The following ZSWIM6 variants were observed in gnomAD, a reference collection of about 807,000 sequenced individuals.
ZSWIM6 encodes zinc finger SWIM domain-containing protein 6.
Under a neutral mutation model 113.2 loss-of-function variants are expected in ZSWIM6, and 9 were observed. The observed-to-expected ratio is 0.08, with a 90% CI of 0.05 to 0.14. The LOEUF is 0.14. ZSWIM6 is among the 10% of genes least tolerant of loss of function. The pLI, the probability that ZSWIM6 is intolerant of heterozygous loss-of-function variation, is 1.00. For synonymous variants in ZSWIM6, 611 were observed against 606.5 expected, an observed-to-expected ratio of 1.01 and a Z score of -0.11; for missense variants, 1,162 against 1,552.2, an observed-to-expected ratio of 0.75 and a Z score of 4.22.
intron 1 of ZSWIM6, among the ~76,000 whole-genome samples, chr5:61,451,771 A>G (rs958304801): frequency 1.3e-5 from 2 of 152,172 alleles, no homozygotes; most frequent in Non-Finnish European, 2.9e-5. Context: ...TATTTTCTAG[A>G]TTCATTCAAG....
At chr5:61,491,014 A>G (rs1748162265) in intron 3 of ZSWIM6, 80 bp downstream of exon 3, 1 of 1,326,834 alleles carries the variant, frequency 7.5e-7, no homozygotes, top group Non-Finnish European at 9.9e-7. Flanking sequence ...TGTCTACAAT[A>G]GGATAAAGAC....
At position 61,533,050 on chromosome 5, in the gene ZSWIM6, A is replaced by G. The variant is rs75618083; in HGVS notation, c.2245+1325A>G. The stretch of plus-strand genomic sequence containing the variant: ...TATTTACCTTCCTAAATATGTCTCC[A>G]TGTCCATTTTTCATGAATATTTTTG... On this transcript the variant is annotated intron_variant, in intron 9 of 13. Transcript: ENST00000252744. Among the ~76,000 whole-genome samples, 14 of 152,330 alleles carry G rather than the reference A, an allele frequency of 9.2e-5. No homozygotes were observed. In the East Asian group the frequency reaches 2.5e-3, roughly 27 times the overall value.
At chr5:61,486,115 C>T (rs1748013510) in intron 2 of ZSWIM6, among the ~76,000 whole-genome samples, 1 of 152,286 alleles carries the variant, frequency 6.6e-6, no homozygotes, top group Admixed American at 6.5e-5. Context: ...GTCACCCACC[C>T]TCCAACTCTT....
intron 1 of ZSWIM6, among the ~76,000 whole-genome samples, chr5:61,374,814 CA>C (rs1745336772): frequency 6.6e-6 from 1 of 152,156 alleles, no homozygotes; most frequent in African/African-American, 2.4e-5. Context: ...CTCGGCCTCC[CA>C]AAGTGTTGGG....
At chr5:61,479,597 C>T (rs1747802101) in intron 2 of ZSWIM6, among the ~76,000 whole-genome samples, 1 of 152,160 alleles carries the variant, frequency 6.6e-6, no homozygotes, top group East Asian at 1.9e-4. Context: ...TCCCATCTCC[C>T]CCACAATGGC....
intron 5 of ZSWIM6, among the ~76,000 whole-genome samples, chr5:61,524,042 C>T (rs1214039097): frequency 1.3e-5 from 2 of 152,116 alleles, no homozygotes; most frequent in East Asian, 1.9e-4. Context: ...TTTAAAGTCT[C>T]GTTTTAGTTT....
intron 1 of ZSWIM6, among the ~76,000 whole-genome samples, chr5:61,382,815 AAAAAG>A (rs1310019108): frequency 2.9e-5 from 4 of 137,578 alleles, no homozygotes; most frequent in African/African-American, 5.0e-5. Flanking sequence ...AAAATAAAAA[AAAAAG>A]AAAGAAAGAA....
chr5:61,383,735 C>T (rs1018071741), intron 1 of ZSWIM6, among the ~76,000 whole-genome samples: 18 of 151,204 alleles, frequency 1.2e-4, no homozygotes, highest in Non-Finnish European at 2.5e-4. Flanking sequence ...TTAGTAGAGA[C>T]GGGGTTTTAC....
intron 5 of ZSWIM6, 22 bp downstream of exon 5, chr5:61,521,464 G>C: frequency 3.5e-6 from 5 of 1,413,652 alleles, no homozygotes; most frequent in Non-Finnish European, 4.7e-6. Flanking sequence ...ATAATGTTCT[G>C]CTTAAATTGT....
intron 4 of ZSWIM6, among the ~76,000 whole-genome samples, chr5:61,519,623 T>C (rs1749058465): frequency 6.6e-6 from 1 of 152,168 alleles, no homozygotes; most frequent in Non-Finnish European, 1.5e-5. Context: ...ACTAGCCATG[T>C]TGTGTTTTTA....
At position 61,479,987 on chromosome 5, in the gene ZSWIM6, C is replaced by G. The variant is rs149412007; in HGVS notation, c.1033+6950C>G. ...TAAAGCCTGCAAACATAGTTGATCT[C>G]TTTTAATAAATCTGAAGAGTTGGAT... On this transcript the variant is annotated intron_variant, in intron 2 of 13. Transcript: ENST00000252744. Among the ~76,000 whole-genome samples, 271 of 151,942 alleles carry G rather than the reference C, an allele frequency of 1.8e-3. 1 individual carries two copies. Among genetic ancestry groups the G allele is most frequent in the Non-Finnish European group, 2.5e-3 (168 of 67,980 alleles).
chr5:61,332,604 A>G lies in ZSWIM6; in HGVS notation c.332A>G (p.Tyr111Cys). 1 of 1,288,038 alleles carries G rather than the reference A, an allele frequency of 7.8e-7. No individual in the cohort carries two copies. The highest frequency in any genetic ancestry group is 1.0e-6 in the Non-Finnish European group (1 of 985,832). The allele number at this position is 1,288,038 out of a possible 1,614,324, so 79.8% of individuals were successfully genotyped here. ...IPEPVQRRIV[Y>C]WSFPRSEREI... Reference sequence around the variant, plus strand: ...GAGCCGGTGCAGCGCCGCATAGTCTATTGGTCCTTCCCCCGCAGCGAGCGG... The same window carrying G: ...GAGCCGGTGCAGCGCCGCATAGTCTGTTGGTCCTTCCCCCGCAGCGAGCGG... The change falls in exon 1 of 14, where the codon TAT becomes TGT. Residue 111 changes from tyrosine to cysteine, a missense_variant. Physicochemically the swap from Tyr to Cys is radical, Grantham distance 194. Coordinates refer to ENST00000252744, the MANE Select transcript of ZSWIM6 (RefSeq NM_020928.2).
Position 61,531,648 on chromosome 5 carries a change from T to A in ZSWIM6, c.2168T>A (p.Ile723Asn), listed in dbSNP as rs1292259481. Residue 723 changes from isoleucine (I) to asparagine (N), a missense_variant, in exon 9 of 14, where the codon ATT becomes AAT. By Grantham distance (149) the Ile-to-Asn change is moderately radical. Around this residue, in one of 4 missense-constraint regions of ZSWIM6, gnomAD observed 620 missense variants for 804.6 expected, o/e 0.77. Coordinates refer to ENST00000252744, the MANE Select transcript of ZSWIM6 (RefSeq NM_020928.2). ...EKVCRNEEQLISKLQEIELDD... is the reference protein window; with the variant it reads ...EKVCRNEEQLNSKLQEIELDD... Reference sequence around the variant, plus strand: ...GTTTGCCGGAATGAGGAGCAGCTCATTTCTAAGCTTCAGGAAATTGAATTG... The same window carrying A: ...GTTTGCCGGAATGAGGAGCAGCTCAATTCTAAGCTTCAGGAAATTGAATTG... 1 of 1,551,596 alleles carries A rather than the reference T, an allele frequency of 6.4e-7. No individual in the cohort carries two copies. Among genetic ancestry groups the A allele is most frequent in the African/African-American group, 1.4e-5 (1 of 73,064 alleles).
intron 1 of ZSWIM6, among the ~76,000 whole-genome samples, chr5:61,342,000 C>T (rs1157828319): frequency 6.6e-6 from 1 of 151,582 alleles, no homozygotes; most frequent in Non-Finnish European, 1.5e-5. Context: ...TTGCCTCAGC[C>T]TCCTGAGTAG....
intron 1 of ZSWIM6, among the ~76,000 whole-genome samples, chr5:61,418,703 A>G (rs967562826): frequency 2.6e-5 from 4 of 152,176 alleles, no homozygotes; most frequent in Non-Finnish European, 5.9e-5. Flanking sequence ...GAGACAAGGG[A>G]ATGGTCTTTA....
chr5:61,504,266 A>C (rs1421143716), intron 4 of ZSWIM6, among the ~76,000 whole-genome samples: 1 of 152,204 alleles, frequency 6.6e-6, no homozygotes, highest in Non-Finnish European at 1.5e-5. Context: ...ATGCACTCTG[A>C]AATACAAACA....
chr5:61,350,786 G>A (rs376376995), intron 1 of ZSWIM6, among the ~76,000 whole-genome samples: 22 of 152,136 alleles, frequency 1.4e-4, no homozygotes, highest in South Asian at 2.1e-4. Context: ...TACTGGCCCT[G>A]AACTTCCTCA....
intron 1 of ZSWIM6, among the ~76,000 whole-genome samples, chr5:61,341,755 G>GCCT (rs1438364043): frequency 4.6e-5 from 7 of 151,830 alleles, no homozygotes; most frequent in Admixed American, 2.0e-4. Flanking sequence ...TTGTCAACGT[G>GCCT]CCTCCTCCTC....
At chr5:61,442,907 C>T (rs532187369) in intron 1 of ZSWIM6, among the ~76,000 whole-genome samples, 2 of 152,310 alleles carry the variant, frequency 1.3e-5, no homozygotes, top group African/African-American at 2.4e-5. Context: ...AAAACGTTCT[C>T]CAGACTGAAC....
Sources: gnomAD v4.1 joint callset for allele counts (sites outside exome capture counted in the v4.1 genomes callset) on GRCh38, gnomAD v4.1.1 for gene constraint, gnomAD v4.1.1 regional missense constraint, MANE v1.5 for transcripts, NCBI Gene and HGNC (gene_info 2026-07-23, HGNC 2026-07-21) for gene names.